Variants in TBC1D17 observed in about 807,000 individuals in gnomAD.
The protein encoded by TBC1D17 is TBC1 domain family, member 17.
A neutral mutation model predicts 78.8 loss-of-function variants in TBC1D17; 69 were observed. That is an observed-to-expected ratio of 0.88 (90% CI 0.72 to 1.07). TBC1D17 has a LOEUF of 1.07. Ranked by LOEUF, TBC1D17 falls within the 50% of genes least tolerant of loss-of-function variation. The pLI is 0.00. For missense variants in TBC1D17, 957 were observed against 861.0 expected, an observed-to-expected ratio of 1.11 and a Z score of -1.39; for synonymous variants, 456 against 358.3, an observed-to-expected ratio of 1.27 and a Z score of -3.08.
chr19:49,881,566 TCA>T (rs1212418003), intron 5 of TBC1D17, 91 bp downstream of exon 5: 4 of 1,250,104 alleles, frequency 3.2e-6, no homozygotes, highest in Non-Finnish European at 3.3e-6. Flanking sequence ...GAAACACAAC[TCA>T]CACTGATTTA....
At position 49,882,095 on chromosome 19, in the gene TBC1D17, C is replaced by T; in HGVS notation, c.582C>T (p.Leu194=). 4 of 1,614,166 alleles carry T rather than the reference C, an allele frequency of 2.5e-6. No homozygotes were observed. In the Middle Eastern group the frequency reaches 4.9e-4, roughly 200 times the overall value. Residue 194 remains leucine, a synonymous_variant, in exon 6 of 17, where the codon CTC becomes CTT. Transcript: ENST00000221543. ...YLVFPHDSSA[L]SNSFHHLQLF... Reference sequence around the variant, plus strand: ...TCTTCCCCCACGACTCCTCTGCTCTCTCCAACTCCTTCCACCACCTGCAGC... The same window carrying T: ...TCTTCCCCCACGACTCCTCTGCTCTTTCCAACTCCTTCCACCACCTGCAGC...
chr19:49,882,005 C>G (rs767078439), intron 5 of TBC1D17, 36 bp from the exon 6 acceptor site: 2 of 1,562,674 alleles, frequency 1.3e-6, no homozygotes, highest in Non-Finnish European at 8.8e-7. Context: ...GGGCCCCTAC[C>G]TGTGCATCAC....
chr19:49,881,340 G>A lies in TBC1D17; in HGVS notation c.392G>A (p.Arg131His), dbSNP rs764452231. 11 of 1,613,156 alleles carry A rather than the reference G, an allele frequency of 6.8e-6. No individual in the cohort carries two copies. The African/African-American group carries it at 8.0e-5, about 12-fold the overall frequency. Residue 131 changes from arginine to histidine, a missense_variant, in exon 5 of 17, where the codon CGC (arginine) becomes CAC (histidine). Transcript: ENST00000221543. ...VSLGELKSIR[R>H]SKPGLSWAYL... ...CTGGGGGAGCTAAAGTCCATCCGCC[G>A]CTCCAAGCCAGGCCTCAGCTGGGCC...
In TBC1D17 at chr19:49,888,697, C is replaced by G; in HGVS notation, c.*73C>G. 2 of 1,317,684 alleles carry G rather than the reference C, an allele frequency of 1.5e-6. No homozygotes were observed. Among genetic ancestry groups the G allele is most frequent in the Non-Finnish European group, 2.0e-6 (2 of 983,096 alleles). The allele number at this position is 1,317,684 out of a possible 1,614,324, so 81.6% of individuals were successfully genotyped here. Reference sequence around the variant, plus strand: ...GCACACCTGCGAGGGGGCAGGTGTGCTCCGCCGCCCTGCTGATAAGCTGGC... The same window carrying G: ...GCACACCTGCGAGGGGGCAGGTGTGGTCCGCCGCCCTGCTGATAAGCTGGC... On this transcript the variant is annotated 3_prime_UTR_variant, in exon 17 of 17. Transcript: ENST00000221543.
At chr19:49,877,788 C>T in intron 1 of TBC1D17, 44 bp downstream of exon 1, 1 of 1,564,274 alleles carries the variant, frequency 6.4e-7, no homozygotes, top group Non-Finnish European at 8.7e-7. Flanking sequence ...GTATGCGAAA[C>T]GCCCCGTCTA....
Position 49,884,329 on chromosome 19 carries a change from C to T in TBC1D17, c.1203C>T (p.Asn401=), listed in dbSNP as rs372367092. The part of the protein sequence containing the change: ...GPENPGLGLL[N]DILLTYCMYH... ...AGAACCCGGGGCTGGGCCTGCTGAACGATATCCTCCTCACCTACTGCATGT... is the reference window on the plus strand; with the variant it reads ...AGAACCCGGGGCTGGGCCTGCTGAATGATATCCTCCTCACCTACTGCATGT... The change falls in exon 11 of 17, where the codon AAC becomes AAT. Residue 401 remains asparagine (N), a synonymous_variant. Transcript: ENST00000221543. 7.2e-5 allele frequency: 116 copies of T among 1,614,012 alleles called. No individual in the cohort carries two copies. The African/African-American group carries it at 1.0e-3, about 14-fold the overall frequency.
chr19:49,880,543 G>A, intron 4 of TBC1D17, 141 bp downstream of exon 4: 2 of 1,165,346 alleles, frequency 1.7e-6, no homozygotes, highest in Non-Finnish European at 1.2e-6. Flanking sequence ...CAGGAGCATG[G>A]AAGTGAATGG....
Position 49,882,064 on chromosome 19 carries a change from A to T in TBC1D17, c.551A>T (p.Tyr184Phe). 1 of 1,613,912 alleles carries T rather than the reference A, an allele frequency of 6.2e-7. No homozygotes were observed. The highest frequency in any genetic ancestry group is 8.5e-7 in the Non-Finnish European group (1 of 1,179,960). ...AGCTCCCCGCAGGACTCCCGCCTCTACCTTGTCTTCCCCCACGACTCCTCT... is the reference window on the plus strand; with the variant it reads ...AGCTCCCCGCAGGACTCCCGCCTCTTCCTTGTCTTCCCCCACGACTCCTCT... ...LASSPQDSRL[Y>F]LVFPHDSSAL... Residue 184 changes from tyrosine to phenylalanine, a missense_variant, in exon 6 of 17, where the codon TAC (tyrosine) becomes TTC (phenylalanine). Tyr to Phe is a conservative substitution (Grantham distance 22, BLOSUM62 3). Transcript: ENST00000221543.
In TBC1D17 at chr19:49,882,803, C is replaced by G. The variant is rs1306263927; in HGVS notation, c.838C>G (p.Pro280Ala). 3.1e-6 allele frequency: 5 copies of G among 1,605,474 alleles called. No individual in the cohort carries two copies. The highest frequency in any genetic ancestry group is 4.3e-6 in the Non-Finnish European group (5 of 1,175,908). ...TCGGCCAACCGTGGAGCGGGGCCCT[C>G]CAGTTACAGAGGAGGAGTGGGCACG... Reference protein sequence around the residue: ...GPRPTVERGPPVTEEEWARHV... With the variant: ...GPRPTVERGPAVTEEEWARHV... Residue 280 changes from proline (P) to alanine (A), a missense_variant, in exon 8 of 17, where the codon CCA becomes GCA. Coordinates refer to ENST00000221543, the MANE Select transcript of TBC1D17 (RefSeq NM_024682.3).
At chr19:49,878,310 C>A in intron 2 of TBC1D17, 69 bp downstream of exon 2, 1 of 1,450,204 alleles carries the variant, frequency 6.9e-7, no homozygotes. Context: ...ATGCAGGCGG[C>A]AGCTGTAGGA....
In TBC1D17 at chr19:49,882,815, G is replaced by A; in HGVS notation, c.850G>A (p.Glu284Lys). 6.2e-7 allele frequency: 1 copy of A among 1,609,206 alleles called. No individual in the cohort carries two copies. The highest frequency in any genetic ancestry group is 8.5e-7 in the Non-Finnish European group (1 of 1,178,192). Residue 284 changes from glutamate (E) to lysine (K), a missense_variant, in exon 8 of 17, where the codon GAG (glutamate) becomes AAG (lysine). Glu to Lys is a moderately conservative substitution (Grantham distance 56). Coordinates refer to ENST00000221543, the MANE Select transcript of TBC1D17 (RefSeq NM_024682.3). ...TVERGPPVTE[E>K]EWARHVGPEG... ...GGAGCGGGGCCCTCCAGTTACAGAG[G>A]AGGAGTGGGCACGCCACGTGGGCCC...
At chr19:49,883,547 G>T in intron 9 of TBC1D17, 104 bp from the exon 10 acceptor site, 1 of 911,982 alleles carries the variant, frequency 1.1e-6, no homozygotes. Flanking sequence ...GTGTGGTCAG[G>T]GAGGGGCTCT....
chr19:49,880,890 C>T (rs939515856), intron 4 of TBC1D17, among the ~76,000 whole-genome samples: 7 of 151,976 alleles, frequency 4.6e-5, no homozygotes, highest in African/African-American at 1.2e-4. Context: ...CAGAGGCAGG[C>T]GGCCCCCGTG....
At position 49,883,744 on chromosome 19, in the gene TBC1D17, C is replaced by T. The variant is rs565067788; in HGVS notation, c.1125C>T (p.Ile375=). The T allele has an allele frequency of 5.6e-6, 9 of 1,613,356 alleles. No individual in the cohort carries two copies. The highest frequency in any genetic ancestry group is 2.7e-5 in the African/African-American group (2 of 74,984). ...NSLLHGYRSL[I]ERDVSRTDRT... The stretch of plus-strand genomic sequence containing the variant: ...TTCTGCATGGATACCGCAGCCTCAT[C>T]GGTCAGTGTCAGGGGTGGCACTTAG... Residue 375 remains isoleucine (I), a splice_region_variant and synonymous_variant, in exon 10 of 17, where the codon ATC becomes ATT. Coordinates refer to ENST00000221543, the MANE Select transcript of TBC1D17 (RefSeq NM_024682.3).
At chr19:49,884,420 C>T in intron 11 of TBC1D17, 39 bp from the exon 12 acceptor site, 1 of 1,613,898 alleles carries the variant, frequency 6.2e-7, no homozygotes, top group Non-Finnish European at 8.5e-7. Flanking sequence ...CAGGGGAGCG[C>T]TGCGGGCTTG....
intron 10 of TBC1D17, 49 bp from the exon 11 acceptor site, chr19:49,884,203 TG>T: frequency 1.9e-6 from 3 of 1,544,128 alleles, no homozygotes; most frequent in Non-Finnish European, 2.7e-6. Context: ...CCAGCAGGGA[TG>T]GGCCCCCCTA....
Position 49,888,267 on chromosome 19 carries a change from G to A in TBC1D17, c.1696G>A (p.Asp566Asn), listed in dbSNP as rs139825604. 6.3e-6 allele frequency: 10 copies of A among 1,594,154 alleles called. No individual in the cohort carries two copies. The highest frequency in any genetic ancestry group is 1.3e-5 in the African/African-American group (1 of 74,724). ...GCTGACTATGAAGCTGAGCGTGGAG[G>A]ACGTGCTGACCCGCGCCGAGGCCCT... is the stretch of plus-strand genomic sequence containing the variant. ...NELTMKLSVE[D>N]VLTRAEALHR... The change falls in exon 16 of 17, where the codon GAC becomes AAC. Residue 566 changes from aspartate (D) to asparagine (N), a missense_variant. Asp to Asn is a conservative substitution (Grantham distance 23). Coordinates refer to ENST00000221543, the MANE Select transcript of TBC1D17 (RefSeq NM_024682.3).
At chr19:49,884,832 G>A in intron 13 of TBC1D17, 74 bp downstream of exon 13, 3 of 1,326,692 alleles carry the variant, frequency 2.3e-6, no homozygotes, top group Non-Finnish European at 3.2e-6. Flanking sequence ...AGCAGCCACA[G>A]TGGCATCCTG....
At chr19:49,881,085 C>T (rs1332885636) in intron 4 of TBC1D17, among the ~76,000 whole-genome samples, 183 bp from the exon 5 acceptor site, 6 of 152,116 alleles carry the variant, frequency 3.9e-5, no homozygotes, top group Non-Finnish European at 7.4e-5. Flanking sequence ...GGTACATGTC[C>T]ACTGGGCCCC....
Sources: allele counts gnomAD v4.1 joint callset (sites outside exome capture counted in the v4.1 genomes callset), GRCh38; gene constraint gnomAD v4.1.1; transcripts MANE v1.5; gene names NCBI Gene and HGNC (gene_info 2026-07-23, HGNC 2026-07-21).